DPYD: variants seen among roughly 807,000 people sequenced by gnomAD.
DPYD encodes dihydropyrimidine dehydrogenase.
DPYD carries 109 observed loss-of-function variants against 116.2 expected under a neutral mutation model. The ratio of observed to expected loss-of-function variants is 0.94; its 90% CI spans 0.80 to 1.10. DPYD has a LOEUF of 1.10. Ranked by LOEUF, DPYD falls within the 50% of genes least tolerant of loss-of-function variation. The pLI, the probability that DPYD is intolerant of heterozygous loss-of-function variation, is 0.00. For missense variants in DPYD, 1,302 were observed against 1,254.5 expected, an observed-to-expected ratio of 1.04 and a Z score of -0.57; for synonymous variants, 440 against 432.0, an observed-to-expected ratio of 1.02 and a Z score of -0.23.
chr1:97,500,949 A>C (rs1679540811), intron 13 of DPYD, among the ~76,000 whole-genome samples: 1 of 152,050 alleles, frequency 6.6e-6, no homozygotes, highest in Non-Finnish European at 1.5e-5. Flanking sequence ...ACCCTAATTA[A>C]CCATCAGCTT....
intron 3 of DPYD, among the ~76,000 whole-genome samples, chr1:97,761,391 T>C (rs985402506): frequency 2.6e-5 from 4 of 151,956 alleles, no homozygotes; most frequent in Admixed American, 2.6e-4. Context: ...TATCCCTTAA[T>C]GACAAAACGA....
At chr1:97,614,476 GTA>G (rs1027110702) in intron 8 of DPYD, among the ~76,000 whole-genome samples, 5 of 152,020 alleles carry the variant, frequency 3.3e-5, no homozygotes, top group African/African-American at 1.2e-4. Flanking sequence ...TAAAACCATA[GTA>G]GACTAGAGAT....
At chr1:97,226,357 T>C (rs1425130831) in intron 19 of DPYD, among the ~76,000 whole-genome samples, 1 of 152,118 alleles carries the variant, frequency 6.6e-6, no homozygotes, top group South Asian at 2.1e-4. Flanking sequence ...TCCTCATTTT[T>C]ACTCCACATA....
At chr1:97,174,399 G>C (rs1192976198) in intron 20 of DPYD, among the ~76,000 whole-genome samples, 1 of 152,214 alleles carries the variant, frequency 6.6e-6, no homozygotes, top group Admixed American at 6.6e-5. Context: ...TCAAGGAGCA[G>C]ATGTGCCCCT....
At chr1:97,794,463 A>G (rs1667471513) in intron 3 of DPYD, among the ~76,000 whole-genome samples, 1 of 152,264 alleles carries the variant, frequency 6.6e-6, no homozygotes, top group Admixed American at 6.5e-5. Flanking sequence ...ATTCAGCATC[A>G]TTCACCATTA....
chr1:97,561,328 T>C (rs1652128078), intron 11 of DPYD, among the ~76,000 whole-genome samples: 1 of 152,156 alleles, frequency 6.6e-6, no homozygotes, highest in African/African-American at 2.4e-5. Context: ...TTCACATGAT[T>C]TTGCCCTTAC....
chr1:97,505,012 G>C (rs547141704), intron 13 of DPYD, among the ~76,000 whole-genome samples: 1 of 151,896 alleles, frequency 6.6e-6, no homozygotes. Flanking sequence ...AGGGGACTTG[G>C]GTGGTCATTG....
At chr1:97,877,463 TAA>T (rs1671981191) in intron 2 of DPYD, among the ~76,000 whole-genome samples, 2 of 151,828 alleles carry the variant, frequency 1.3e-5, no homozygotes, top group South Asian at 4.2e-4. Context: ...TACAAGAAAA[TAA>T]AAGAGGTCAC....
At chr1:97,686,636 CAAAAAAAAA>C (rs1159274157) in intron 7 of DPYD, among the ~76,000 whole-genome samples, 3 of 10,054 alleles carry the variant, frequency 3.0e-4, no homozygotes, top group Admixed American at 1.1e-3. Flanking sequence ...GACTCTGTCT[CAAAAAAAAA>C]AAAAAAAAAA....
chr1:97,140,777 T>A (rs1255992301), intron 20 of DPYD, among the ~76,000 whole-genome samples: 1 of 152,190 alleles, frequency 6.6e-6, no homozygotes, highest in African/African-American at 2.4e-5. Context: ...GACTCTTTAT[T>A]ATCTGAGGGT....
intron 21 of DPYD, among the ~76,000 whole-genome samples, chr1:97,087,121 A>T (rs1403289830): frequency 6.6e-6 from 1 of 152,172 alleles, no homozygotes; most frequent in Non-Finnish European, 1.5e-5. Context: ...CGTTTGTAGG[A>T]TTCCTTTGGG....
At chr1:97,255,215 G>A (rs1360719969) in intron 18 of DPYD, among the ~76,000 whole-genome samples, 1 of 152,088 alleles carries the variant, frequency 6.6e-6, no homozygotes, top group Non-Finnish European at 1.5e-5. Flanking sequence ...CAGGGACAAA[G>A]GCCCAGTTTC....
At chr1:97,139,639 T>A (rs1040252777) in intron 20 of DPYD, among the ~76,000 whole-genome samples, 7 of 152,150 alleles carry the variant, frequency 4.6e-5, no homozygotes, top group Admixed American at 6.6e-5. Flanking sequence ...AGATTTTTTA[T>A]GTTTACGAAC....
chr1:97,343,797 A>G (rs1669704816), intron 16 of DPYD, among the ~76,000 whole-genome samples: 1 of 152,048 alleles, frequency 6.6e-6, no homozygotes, highest in African/African-American at 2.4e-5. Flanking sequence ...TCCCTTTACT[A>G]CAATAAATAG....
At chr1:97,367,609 G>C (rs764085900) in intron 16 of DPYD, among the ~76,000 whole-genome samples, 1 of 152,094 alleles carries the variant, frequency 6.6e-6, no homozygotes, top group African/African-American at 2.4e-5. Context: ...AGATGATAGC[G>C]GTTGTACTGC....
chr1:97,395,374 T>C (rs1459730033), intron 14 of DPYD, among the ~76,000 whole-genome samples: 1 of 151,946 alleles, frequency 6.6e-6, no homozygotes, highest in Non-Finnish European at 1.5e-5. Flanking sequence ...TTATCTCATT[T>C]ATCCCCCACA....
chr1:97,583,344 T>C (rs1168271659), intron 10 of DPYD, among the ~76,000 whole-genome samples: 1 of 152,116 alleles, frequency 6.6e-6, no homozygotes, highest in Non-Finnish European at 1.5e-5. Flanking sequence ...TACTTTAAGA[T>C]TTAGGGTACA....
chr1:97,734,633 C>T (rs1357572146), intron 4 of DPYD, among the ~76,000 whole-genome samples: 1 of 152,096 alleles, frequency 6.6e-6, no homozygotes, highest in Non-Finnish European at 1.5e-5. Context: ...TCTGCCATGA[C>T]TCTTCTAATT....
At chr1:97,539,835 T>C (rs570884377) in intron 12 of DPYD, among the ~76,000 whole-genome samples, 1 of 152,256 alleles carries the variant, frequency 6.6e-6, no homozygotes, top group African/African-American at 2.4e-5. Flanking sequence ...GTGTTCTATC[T>C]CCAAGTTTTT....
Sources: allele counts gnomAD v4.1 joint callset (sites outside exome capture counted in the v4.1 genomes callset), GRCh38; gene constraint gnomAD v4.1.1; transcripts MANE v1.5; gene names NCBI Gene and HGNC (gene_info 2026-07-23, HGNC 2026-07-21).